The following VPS37A variants were observed in gnomAD, a reference collection of about 807,000 sequenced individuals.
VPS37A encodes VPS37A subunit of ESCRT-I.
A neutral mutation model predicts 49.8 loss-of-function variants in VPS37A; 30 were observed. That is an observed-to-expected ratio of 0.60 (90% confidence interval 0.45 to 0.82). The LOEUF (loss-of-function observed/expected upper bound fraction) is 0.82, where lower values mean the gene tolerates loss of function less well. Ranked by LOEUF, VPS37A falls within the 40% of genes least tolerant of loss-of-function variation. The pLI, the probability that VPS37A is intolerant of heterozygous loss-of-function variation, is 0.00. For missense variants in VPS37A, 593 were observed against 464.4 expected (o/e 1.28, Z -2.55); for synonymous variants, 195 against 160.6 (o/e 1.21, Z -1.62).
chr8:17,263,969 A>G (rs1006920259), intron 1 of VPS37A, among the ~76,000 whole-genome samples: 2 of 152,172 alleles, frequency 1.3e-5, no homozygotes, highest in Non-Finnish European at 2.9e-5. Flanking sequence ...CTTTAATACT[A>G]TAAATCTAGA....
At chr8:17,276,662 C>G (rs1021991456) in intron 6 of VPS37A, among the ~76,000 whole-genome samples, 195 bp downstream of exon 6, 1 of 152,058 alleles carries the variant, frequency 6.6e-6, no homozygotes, top group African/African-American at 2.4e-5. Context: ...GGTACATACT[C>G]AGGGATTTTT....
the VPS37A span, chr8:17,311,726 CAGAA>C: frequency 5.1e-6 from 8 of 1,570,908 alleles, no homozygotes; most frequent in Non-Finnish European, 6.9e-6. Flanking sequence ...TGTATATTTA[CAGAA>C]AGAAACAGCC....
chr8:17,327,401 G>C, the VPS37A span, among the ~76,000 whole-genome samples: 12 of 152,150 alleles, frequency 7.9e-5, no homozygotes, highest in East Asian at 2.3e-3. Context: ...TTCCTGAGCA[G>C]CTGGGACTAC....
the VPS37A span, among the ~76,000 whole-genome samples, chr8:17,313,973 A>T: frequency 6.6e-6 from 1 of 152,210 alleles, no homozygotes; most frequent in African/African-American, 2.4e-5. Context: ...TATGCCTCTG[A>T]TCCAATTCTA....
At chr8:17,264,708 C>T (rs186884488) in intron 1 of VPS37A, among the ~76,000 whole-genome samples, 2 of 152,258 alleles carry the variant, frequency 1.3e-5, no homozygotes, top group Admixed American at 1.3e-4. Flanking sequence ...AAAAGCAAAT[C>T]ATTAGTCATA....
intron 1 of VPS37A, among the ~76,000 whole-genome samples, chr8:17,261,040 A>C (rs1483401209): frequency 1.3e-5 from 2 of 152,040 alleles, no homozygotes; most frequent in Non-Finnish European, 2.9e-5. Flanking sequence ...TTCTGTGACT[A>C]TTTCTTGGAA....
intron 1 of VPS37A, 138 bp from the exon 2 acceptor site, chr8:17,265,769 A>C: frequency 6.5e-7 from 1 of 1,540,908 alleles, no homozygotes; most frequent in South Asian, 1.2e-5. Context: ...CTTCCCCTCA[A>C]GATACAAGTT....
At chr8:17,316,566 C>T in the VPS37A span, among the ~76,000 whole-genome samples, 1 of 151,932 alleles carries the variant, frequency 6.6e-6, no homozygotes, top group African/African-American at 2.4e-5. Flanking sequence ...CCTAAGTCTT[C>T]AGCTCTATCA....
At chr8:17,258,070 A>T (rs1172764960) in intron 1 of VPS37A, among the ~76,000 whole-genome samples, 1 of 152,098 alleles carries the variant, frequency 6.6e-6, no homozygotes, top group Non-Finnish European at 1.5e-5. Flanking sequence ...AGGTTTTTCC[A>T]GTCGTAACAT....
At chr8:17,329,563 A>G in the VPS37A span, among the ~76,000 whole-genome samples, 3,545 of 152,328 alleles carry the variant, frequency 0.023, 130 homozygotes, top group African/African-American at 0.081. Flanking sequence ...TGTGTATGCT[A>G]TCAGCACTGG....
chr8:17,286,412 T>G lies in VPS37A; in HGVS notation c.1179T>G (p.Phe393Leu), dbSNP rs760049477. 1.9e-6 allele frequency: 3 copies of G among 1,613,852 alleles called. No homozygotes were observed. The highest frequency in any genetic ancestry group is 1.3e-5 in the African/African-American group (1 of 75,054). The change falls in exon 11 of 12, where the codon TTT becomes TTG. Residue 393 changes from phenylalanine (F) to leucine (L), a missense_variant. Transcript: ENST00000324849. ...AGGCGATAGCAATGCACAGCCAATT[T>G]CATGCTCCACTATAGGTAAATTGTA... ...LQQAIAMHSQ[F>L]HAPL
In VPS37A at chr8:17,262,524, G is replaced by C. The variant is rs751868719; in HGVS notation, c.126-3383G>C. 2.0e-5 allele frequency among the ~76,000 whole-genome samples: 3 copies of C among 151,866 alleles called. No homozygotes were observed. In the Middle Eastern group the frequency reaches 0.01, roughly 517 times the overall value. On this transcript the variant is annotated intron_variant, in intron 1 of 11. Transcript: ENST00000324849. Reference sequence around the variant, plus strand: ...TAGAAAATGAAATTATTAATTTGCAGGTCATTTAAATTTTCTCTTGTGGTG... The same window carrying C: ...TAGAAAATGAAATTATTAATTTGCACGTCATTTAAATTTTCTCTTGTGGTG...
chr8:17,279,242 CT>C (rs749373304), intron 6 of VPS37A, among the ~76,000 whole-genome samples: 12 of 152,044 alleles, frequency 7.9e-5, no homozygotes, highest in African/African-American at 1.9e-4. Flanking sequence ...CTTGTAGAGT[CT>C]TGGGAGATTT....
chr8:17,279,537 C>T (rs914307465), intron 6 of VPS37A, among the ~76,000 whole-genome samples: 1 of 152,014 alleles, frequency 6.6e-6, no homozygotes, highest in Non-Finnish European at 1.5e-5. Context: ...AGTCTGGTTC[C>T]TATCAGGGAA....
the VPS37A span, chr8:17,311,361 T>C: frequency 8.9e-5 from 92 of 1,032,664 alleles, no homozygotes; most frequent in East Asian, 2.1e-3. Flanking sequence ...CTGATTAAAT[T>C]AATCTTGATC....
chr8:17,325,560 G>A, the VPS37A span, among the ~76,000 whole-genome samples: 10 of 152,186 alleles, frequency 6.6e-5, no homozygotes, highest in East Asian at 1.9e-4. Context: ...GTCCCTGACC[G>A]TACGATCGCC....
chr8:17,290,377 G>T (rs1816024025), intron 11 of VPS37A, among the ~76,000 whole-genome samples: 1 of 152,166 alleles, frequency 6.6e-6, no homozygotes, highest in South Asian at 2.1e-4. Flanking sequence ...TTTACTGAGT[G>T]TTTTTAGCAT....
chr8:17,256,838 G>T (rs1267189157), intron 1 of VPS37A, among the ~76,000 whole-genome samples: 1 of 152,018 alleles, frequency 6.6e-6, no homozygotes, highest in Non-Finnish European at 1.5e-5. Context: ...CTTTAGTAGA[G>T]ACAGGGTTTC....
the VPS37A span, among the ~76,000 whole-genome samples, chr8:17,315,332 G>T: frequency 2.6e-5 from 4 of 152,168 alleles, no homozygotes; most frequent in African/African-American, 9.7e-5. Context: ...GCTGCCAGGG[G>T]TTAGGGTTGT....
Sources: gnomAD v4.1 joint callset for allele counts (sites outside exome capture counted in the v4.1 genomes callset) on GRCh38, gnomAD v4.1.1 for gene constraint, MANE v1.5 for transcripts, NCBI Gene and HGNC (gene_info 2026-07-23, HGNC 2026-07-21) for gene names.